CCBE1: variants seen among roughly 807,000 people sequenced by gnomAD.
CCBE1 encodes collagen and calcium-binding EGF domain-containing protein 1.
CCBE1 carries 37 observed loss-of-function variants against 50.0 expected under a neutral mutation model. The ratio of observed to expected loss-of-function variants is 0.74; its 90% CI spans 0.57 to 0.97. The LOEUF is 0.97. Ranked by LOEUF, CCBE1 falls within the 50% of genes least tolerant of loss-of-function variation. CCBE1 has a pLI of 0.00. For missense variants in CCBE1, 538 were observed against 523.8 expected (o/e 1.03, Z -0.26); for synonymous variants, 234 against 203.7 (o/e 1.15, Z -1.27).
intron 2 of CCBE1, among the ~76,000 whole-genome samples, chr18:59,640,464 A>T (rs962946973): frequency 2.0e-5 from 3 of 152,178 alleles, no homozygotes; most frequent in African/African-American, 7.2e-5. Flanking sequence ...TTCATTACAC[A>T]TATACAAAAA....
At chr18:59,644,809 AT>A (rs1237838783) in intron 2 of CCBE1, among the ~76,000 whole-genome samples, 1 of 152,212 alleles carries the variant, frequency 6.6e-6, no homozygotes, top group African/African-American at 2.4e-5. Flanking sequence ...ATCCTTGCCA[AT>A]TCCTACATTT....
In CCBE1 at chr18:59,554,861, C is replaced by G. The variant is rs2052634260; in HGVS notation, c.213-74623G>C. The stretch of plus-strand genomic sequence containing the variant: ...TTCCAGAGTGCAGGTCATGGCCCTT[C>G]TCCCCTTGCCTAGCCACTACCTGCA... On this transcript the variant is annotated intron_variant, in intron 2 of 10. Coordinates refer to ENST00000439986, the MANE Select transcript of CCBE1 (RefSeq NM_133459.4). Among the ~76,000 whole-genome samples the G allele has an allele frequency of 2.0e-5, 3 of 152,232 alleles. 1 individual carries two copies. The highest frequency in any genetic ancestry group is 2.0e-4 in the Admixed American group (3 of 15,288).
At chr18:59,529,747 T>C (rs2144350138) in intron 2 of CCBE1, among the ~76,000 whole-genome samples, 1 of 152,226 alleles carries the variant, frequency 6.6e-6, no homozygotes, top group South Asian at 2.1e-4. Flanking sequence ...CTCACAGTTT[T>C]AGTTCTTCTC....
chr18:59,500,551 C>G (rs750044495), intron 2 of CCBE1, among the ~76,000 whole-genome samples: 4 of 152,120 alleles, frequency 2.6e-5, no homozygotes, highest in Non-Finnish European at 2.9e-5. Flanking sequence ...CCAGAACTGT[C>G]AATGACACCC....
Position 59,435,892 on chromosome 18 carries a change from A to G in CCBE1, c.*16T>C, listed in dbSNP as rs756456756. 4 of 1,603,778 alleles carry G rather than the reference A, an allele frequency of 2.5e-6. No homozygotes were observed. The South Asian group carries it at 4.4e-5, about 18-fold the overall frequency. On this transcript the variant is annotated 3_prime_UTR_variant, in exon 11 of 11. Transcript: ENST00000439986. The stretch of plus-strand genomic sequence containing the variant: ...TTGATCTTTCTCTTCCTTTGGCGTG[A>G]CGGTGTTGGGATGTGCTATGGGTAG...
chr18:59,520,012 G>A (rs1914532710), intron 2 of CCBE1, among the ~76,000 whole-genome samples: 1 of 152,158 alleles, frequency 6.6e-6, no homozygotes, highest in South Asian at 2.1e-4. Flanking sequence ...TGAGGCCTCT[G>A]CTCTGTTCCA....
chr18:59,603,590 AT>A (rs2053459603), intron 2 of CCBE1, among the ~76,000 whole-genome samples: 1 of 152,198 alleles, frequency 6.6e-6, no homozygotes, highest in Non-Finnish European at 1.5e-5. Context: ...TTATCTACTA[AT>A]TATATGTTCC....
chr18:59,493,573 G>T (rs1017514447), intron 2 of CCBE1, among the ~76,000 whole-genome samples: 5 of 151,968 alleles, frequency 3.3e-5, no homozygotes, highest in Non-Finnish European at 7.4e-5. Context: ...GTGAGAAGCT[G>T]GAGCATAGAG....
intron 2 of CCBE1, among the ~76,000 whole-genome samples, chr18:59,668,104 T>C (rs537874647): frequency 7.2e-5 from 11 of 152,208 alleles, no homozygotes; most frequent in African/African-American, 2.6e-4. Flanking sequence ...TCTGCACATG[T>C]ATCCCAGAAC....
At chr18:59,669,319 C>A (rs1028893759) in intron 2 of CCBE1, among the ~76,000 whole-genome samples, 5 of 152,206 alleles carry the variant, frequency 3.3e-5, no homozygotes, top group Admixed American at 6.5e-5. Context: ...GCTAGCTATG[C>A]CCCGCTACAG....
chr18:59,606,959 T>C (rs1381556407), intron 2 of CCBE1, among the ~76,000 whole-genome samples: 1 of 151,238 alleles, frequency 6.6e-6, no homozygotes, highest in Non-Finnish European at 1.5e-5. Context: ...TTTCCCAAGC[T>C]AGACTGTCCG....
chr18:59,477,755 G>C (rs1385561351), intron 3 of CCBE1, among the ~76,000 whole-genome samples: 1 of 152,152 alleles, frequency 6.6e-6, no homozygotes, highest in Non-Finnish European at 1.5e-5. Context: ...CTGGGGAAAG[G>C]GTTAGTGTGT....
intron 1 of CCBE1, 34 bp downstream of exon 1, chr18:59,697,178 G>A (rs1165716469): frequency 6.5e-6 from 10 of 1,547,544 alleles, no homozygotes; most frequent in African/African-American, 2.7e-5. Context: ...CATCAAGCAG[G>A]AGCTCGCCCT....
At chr18:59,512,065 G>A (rs1483668841) in intron 2 of CCBE1, among the ~76,000 whole-genome samples, 2 of 152,210 alleles carry the variant, frequency 1.3e-5, no homozygotes, top group East Asian at 3.9e-4. Flanking sequence ...GTTTACACAA[G>A]TTTCTACTTC....
intron 2 of CCBE1, among the ~76,000 whole-genome samples, chr18:59,658,040 C>G (rs895727485): frequency 6.6e-6 from 1 of 151,926 alleles, no homozygotes; most frequent in African/African-American, 2.4e-5. Context: ...TTTGGAACTA[C>G]TCTGACACTT....
chr18:59,669,564 C>T (rs1457727536), intron 2 of CCBE1, among the ~76,000 whole-genome samples: 2 of 152,238 alleles, frequency 1.3e-5, no homozygotes, highest in Non-Finnish European at 2.9e-5. Flanking sequence ...GGCCCATGTG[C>T]ACCTACGTGG....
chr18:59,528,548 C>G (rs990296154), intron 2 of CCBE1, among the ~76,000 whole-genome samples: 2 of 152,168 alleles, frequency 1.3e-5, no homozygotes, highest in African/African-American at 4.8e-5. Context: ...AAGAGGCACT[C>G]TGGATTTTTG....
intron 2 of CCBE1, among the ~76,000 whole-genome samples, chr18:59,605,783 C>T (rs538972281): frequency 2.5e-4 from 38 of 152,192 alleles, no homozygotes; most frequent in Admixed American, 7.2e-4. Flanking sequence ...ATAAGAAGTA[C>T]TTGAGTTGTT....
intron 2 of CCBE1, among the ~76,000 whole-genome samples, chr18:59,689,228 CG>C (rs1214891126): frequency 6.6e-6 from 1 of 152,166 alleles, no homozygotes; most frequent in Admixed American, 6.5e-5. Flanking sequence ...GGACAGCCCA[CG>C]GGGCTGACAT....
Sources: allele counts gnomAD v4.1 joint callset (sites outside exome capture counted in the v4.1 genomes callset), GRCh38; gene constraint gnomAD v4.1.1; transcripts MANE v1.5; gene names NCBI Gene and HGNC (gene_info 2026-07-23, HGNC 2026-07-21).